SPRTN: variants seen among roughly 807,000 people sequenced by gnomAD.
SPRTN encodes DNA-dependent metalloprotease SPRTN.
SPRTN carries 11 observed loss-of-function variants against 31.9 expected under a neutral mutation model. The observed-to-expected ratio is 0.34, with a 90% confidence interval of 0.22 to 0.57. The LOEUF (loss-of-function observed/expected upper bound fraction) is 0.57. Ranked by LOEUF, SPRTN falls within the 20% of genes least tolerant of loss-of-function variation. SPRTN has a pLI of 0.86. For synonymous variants in SPRTN, 185 were observed against 212.1 expected (o/e 0.87, Z 1.11); for missense variants, 482 against 590.1 (o/e 0.82, Z 1.90).
rs1687110080 is a variant in SPRTN at position 231,347,891 on chromosome 1, A to G, written c.416A>G (p.His139Arg). 1 of 1,613,952 alleles carries G rather than the reference A, an allele frequency of 6.2e-7. No individual in the cohort carries two copies. ...GHGPEFCKHM[H>R]RINSLTGANI... is the part of the protein sequence containing the mutation. ...GGTCCAGAATTTTGTAAACATATGC[A>G]TCGCATCAACAGCCTGACTGGAGCC... is the stretch of plus-strand genomic sequence containing the variant. Residue 139 changes from histidine to arginine, a missense_variant, in exon 3 of 5, where the codon CAT becomes CGT. Coordinates refer to ENST00000295050, the MANE Select transcript of SPRTN (RefSeq NM_032018.7).
chr1:231,352,293 T>C, intron 4 of SPRTN: 1 of 1,050,434 alleles, frequency 9.5e-7, no homozygotes, highest in Non-Finnish European at 1.1e-6. Context: ...AGGCAGCAGA[T>C]TTTCCCTCCT....
chr1:231,352,425 C>G, intron 4 of SPRTN, 185 bp from the exon 5 acceptor site: 2 of 1,282,702 alleles, frequency 1.6e-6, no homozygotes, highest in South Asian at 3.0e-5. Flanking sequence ...TTTATATTCT[C>G]TCAATATCAG....
Position 231,347,794 on chromosome 1 carries a change from C to T in SPRTN, c.322-3C>T, listed in dbSNP as rs781504202. The T allele has an allele frequency of 6.2e-7, 1 of 1,604,364 alleles. No individual in the cohort carries two copies. The highest frequency in any genetic ancestry group is 8.5e-7 in the Non-Finnish European group (1 of 1,177,562). On this transcript the variant is annotated splice_region_variant and splice_polypyrimidine_tract_variant and intron_variant, in intron 2 of 4. Transcript: ENST00000295050. ...AAACTAATTTGAATATTTTATGTTC[C>T]AGACCCTCCTGCATGAAATGATACA...
chr1:231,344,763 A>AT, intron 2 of SPRTN: 1 of 285,932 alleles, frequency 3.5e-6, no homozygotes. Context: ...AATTATTTAT[A>AT]TTTTTTAGAG....
At chr1:231,346,541 C>T (rs1425766489) in intron 2 of SPRTN, among the ~76,000 whole-genome samples, 1 of 151,936 alleles carries the variant, frequency 6.6e-6, no homozygotes, top group Non-Finnish European at 1.5e-5. Context: ...GGTTGTCATT[C>T]CCTGTTGACA....
chr1:231,340,010 A>G, intron 2 of SPRTN, 142 bp downstream of exon 2: 1 of 658,270 alleles, frequency 1.5e-6, no homozygotes, highest in Non-Finnish European at 2.6e-6. Flanking sequence ...GGGGCAAACA[A>G]TAATGAACAC....
rs2749717 is a variant in SPRTN at position 231,353,607 on chromosome 1, G to C, written c.*246G>C. The stretch of plus-strand genomic sequence containing the variant: ...CCCAGGTTCTGCCTGTCGTGTATAA[G>C]TTTTAGATACTTTTGTTCTTTCTTG... On this transcript the variant is annotated 3_prime_UTR_variant, in exon 5 of 5. Transcript: ENST00000295050. 1.7e-6 allele frequency: 2 copies of C among 1,153,000 alleles called. No homozygotes were observed. Among genetic ancestry groups the C allele is most frequent in the South Asian group, 7.7e-5 (2 of 25,942 alleles). The allele number at this position is 1,153,000 out of a possible 1,614,324, so 71.4% of individuals were successfully genotyped here. A position where few individuals can be genotyped will look rare whatever the true frequency, so the allele number is the denominator to read the frequency against.
At position 231,352,671 on chromosome 1, in the gene SPRTN, A is replaced by G. The variant is rs146566156; in HGVS notation, c.780A>G (p.Leu260=). Residue 260 remains leucine (L), a synonymous_variant, in exon 5 of 5, where the codon CTA becomes CTG. Transcript: ENST00000295050. The stretch of plus-strand genomic sequence containing the variant: ...CTTTTAGTGGGAAAGGATATGTTCT[A>G]GGAGAAACAAGCAATTTACCTTCAC... ...VIPFSGKGYV[L]GETSNLPSPG... The G allele has an allele frequency of 1.4e-4, 220 of 1,613,592 alleles. No individual in the cohort carries two copies. Among genetic ancestry groups the G allele is most frequent in the East Asian group, 2.5e-4 (11 of 44,888 alleles).
rs923050916 is a variant in SPRTN at position 231,353,058 on chromosome 1, A to C, written c.1167A>C (p.Ala389=). The C allele has an allele frequency of 1.2e-6, 2 of 1,614,070 alleles. No individual in the cohort carries two copies. The highest frequency in any genetic ancestry group is 8.5e-7 in the Non-Finnish European group (1 of 1,180,018). Residue 389 remains alanine (A), a synonymous_variant, in exon 5 of 5, where the codon GCA becomes GCC. Coordinates refer to ENST00000295050, the MANE Select transcript of SPRTN (RefSeq NM_032018.7). ...ATTCTTCAAAAGTAACGGAATCAGC[A>C]TCTGTGATGCCATCCCAGGATGTGA... ...LRNSSKVTES[A]SVMPSQDVSG...
At chr1:231,343,404 A>G (rs1420650960) in intron 2 of SPRTN, among the ~76,000 whole-genome samples, 2 of 152,190 alleles carry the variant, frequency 1.3e-5, no homozygotes, top group African/African-American at 2.4e-5. Context: ...CACAATGACA[A>G]AATTGCCTAA....
At chr1:231,344,125 C>G (rs1022532390) in intron 2 of SPRTN, among the ~76,000 whole-genome samples, 2 of 152,076 alleles carry the variant, frequency 1.3e-5, no homozygotes, top group Non-Finnish European at 2.9e-5. Flanking sequence ...TTTGTTTCTC[C>G]TTTATGAGAA....
intron 2 of SPRTN, among the ~76,000 whole-genome samples, chr1:231,346,762 G>A (rs1475103669): frequency 6.6e-6 from 1 of 152,004 alleles, no homozygotes; most frequent in Non-Finnish European, 1.5e-5. Flanking sequence ...TGCCAATATG[G>A]CCAAACCCCA....
chr1:231,352,256 TC>T, intron 4 of SPRTN: 1 of 1,013,002 alleles, frequency 9.9e-7, no homozygotes, highest in Non-Finnish European at 1.2e-6. Flanking sequence ...ATCTTCATTT[TC>T]GTGAGTAGAA....
In SPRTN at chr1:231,354,315, T is replaced by C. The variant is rs565505301; in HGVS notation, c.*954T>C. The C allele has an allele frequency of 1.0e-6, 1 of 983,586 alleles. No homozygotes were observed. The highest frequency in any genetic ancestry group is 1.7e-5 in the African/African-American group (1 of 57,358). 60.9% of individuals were successfully genotyped at this position (983,586 alleles called of 1,614,324 possible). A position where few individuals can be genotyped will look rare whatever the true frequency, so the allele number is the denominator to read the frequency against. ...AAGGACAAAGAGACTTTTATCAGTT[T>C]GCTTTTTGTCTTGTGGCTGTACATG... On this transcript the variant is annotated 3_prime_UTR_variant, in exon 5 of 5. Coordinates refer to ENST00000295050, the MANE Select transcript of SPRTN (RefSeq NM_032018.7).
chr1:231,347,979 C>T, intron 3 of SPRTN, 54 bp downstream of exon 3: 1 of 1,563,608 alleles, frequency 6.4e-7, no homozygotes, highest in Non-Finnish European at 8.6e-7. Flanking sequence ...TTCAATAACT[C>T]CTGAGATTTA....
At chr1:231,342,954 G>T (rs1446501617) in intron 2 of SPRTN, among the ~76,000 whole-genome samples, 1 of 151,160 alleles carries the variant, frequency 6.6e-6, no homozygotes, top group Non-Finnish European at 1.5e-5. Context: ...AGCCAGGATG[G>T]TCTCAATCTC....
chr1:231,347,962 T>C, intron 3 of SPRTN, 37 bp downstream of exon 3: 1 of 1,585,270 alleles, frequency 6.3e-7, no homozygotes, highest in Non-Finnish European at 8.5e-7. Flanking sequence ...TGTTTAGTAG[T>C]TGTTTATTCA....
Position 231,338,371 on chromosome 1 carries a change from G to C in SPRTN, c.-13G>C, listed in dbSNP as rs1686751117. 6.2e-7 allele frequency: 1 copy of C among 1,612,880 alleles called. No individual in the cohort carries two copies. Among genetic ancestry groups the C allele is most frequent in the Middle Eastern group, 1.7e-4 (1 of 5,912 alleles). On this transcript the variant is annotated 5_prime_UTR_variant, in exon 1 of 5. Transcript: ENST00000295050. ...CCTGACGCCGGCGGACCCCGCCTGT[G>C]ATCCTGGCAACGATGGATGATGACT...
chr1:231,348,757 T>G (rs567932966), intron 3 of SPRTN, among the ~76,000 whole-genome samples: 10 of 152,262 alleles, frequency 6.6e-5, no homozygotes, highest in African/African-American at 2.4e-4. Flanking sequence ...TCAGCAGATA[T>G]TTAAGCTATT....
Sources: allele counts gnomAD v4.1 joint callset (sites outside exome capture counted in the v4.1 genomes callset), GRCh38; gene constraint gnomAD v4.1.1; transcripts MANE v1.5; gene names NCBI Gene and HGNC (gene_info 2026-07-23, HGNC 2026-07-21).